The following PLCG2 variants were observed in gnomAD, a reference collection of about 807,000 sequenced individuals.
PLCG2 encodes phospholipase C gamma 2, also known as 1-phosphatidylinositol 4,5-bisphosphate phosphodiesterase gamma-2.
PLCG2 carries 69 observed loss-of-function variants against 175.6 expected under a neutral mutation model. That is an observed-to-expected ratio of 0.39 (90% CI 0.32 to 0.48). PLCG2 has a LOEUF of 0.48. PLCG2 is among the 20% of genes least tolerant of loss of function. The pLI, the probability that PLCG2 is intolerant of heterozygous loss-of-function variation, is 0.91. For missense variants in PLCG2, 1,798 were observed against 1,650.9 expected, an observed-to-expected ratio of 1.09 and a Z score of -1.54; for synonymous variants, 827 against 624.0, an observed-to-expected ratio of 1.33 and a Z score of -4.85.
chr16:81,753,544 T>C (rs1418248457), intron 1 of PLCG2, among the ~76,000 whole-genome samples: 1 of 151,902 alleles, frequency 6.6e-6, no homozygotes, highest in South Asian at 2.1e-4. Flanking sequence ...TCAGCCTCAT[T>C]AGTAGCTGGG....
At chr16:81,940,460 G>A (rs776168662) in intron 30 of PLCG2, among the ~76,000 whole-genome samples, 6 of 145,994 alleles carry the variant, frequency 4.1e-5, no homozygotes, top group Admixed American at 2.0e-4. Context: ...GGCATCTTGG[G>A]GGGGGAGTAA....
intron 1 of PLCG2, among the ~76,000 whole-genome samples, chr16:81,780,449 C>A (rs1910678611): frequency 6.6e-6 from 1 of 152,158 alleles, no homozygotes; most frequent in Non-Finnish European, 1.5e-5. Flanking sequence ...TCGTCCTTGA[C>A]TACAGTTCTG....
chr16:81,855,024 A>T (rs1906611581), intron 3 of PLCG2, among the ~76,000 whole-genome samples: 1 of 152,048 alleles, frequency 6.6e-6, no homozygotes, highest in Non-Finnish European at 1.5e-5. Context: ...AGCATGGCCA[A>T]CATGGTGAAA....
intron 1 of PLCG2, among the ~76,000 whole-genome samples, chr16:81,780,229 C>A (rs895165550): frequency 6.6e-6 from 1 of 152,140 alleles, no homozygotes; most frequent in African/African-American, 2.4e-5. Context: ...AATTTCAGTT[C>A]CATCAGTGGG....
At chr16:81,833,605 C>T (rs1271486514) in intron 2 of PLCG2, among the ~76,000 whole-genome samples, 2 of 150,940 alleles carry the variant, frequency 1.3e-5, no homozygotes, top group African/African-American at 4.9e-5. Context: ...TCACAGCTCA[C>T]TGTACCTTCC....
At chr16:81,910,742 A>G in intron 18 of PLCG2, 22 bp downstream of exon 18, 1 of 1,600,018 alleles carries the variant, frequency 6.2e-7, no homozygotes. Context: ...AGGGTGGAGC[A>G]GGAGGCAGGC....
intron 31 of PLCG2, among the ~76,000 whole-genome samples, chr16:81,948,882 G>A (rs571895796): frequency 2.6e-5 from 4 of 152,194 alleles, no homozygotes; most frequent in African/African-American, 7.2e-5. Flanking sequence ...GTACACACCT[G>A]GAATAGATGG....
intron 3 of PLCG2, among the ~76,000 whole-genome samples, chr16:81,856,525 C>T (rs960664493): frequency 1.3e-5 from 2 of 152,146 alleles, no homozygotes; most frequent in African/African-American, 4.8e-5. Context: ...ACTTGCTGTC[C>T]CTCTGTGCCA....
At chr16:81,774,061 G>T (rs530918382) in intron 2 of PLCG2, among the ~76,000 whole-genome samples, 8 of 151,650 alleles carry the variant, frequency 5.3e-5, no homozygotes, top group Admixed American at 3.3e-4. Context: ...GTCGGGCACA[G>T]TGACTTATGC....
chr16:81,887,210 C>T (rs1406845840), intron 9 of PLCG2, among the ~76,000 whole-genome samples: 1 of 151,758 alleles, frequency 6.6e-6, no homozygotes, highest in Non-Finnish European at 1.5e-5. Flanking sequence ...AACTCTGTCT[C>T]CTGGGTTCAC....
At chr16:81,759,793 C>T (rs1054696801) in intron 2 of PLCG2, among the ~76,000 whole-genome samples, 2 of 152,240 alleles carry the variant, frequency 1.3e-5, no homozygotes, top group African/African-American at 4.8e-5. Context: ...TAGCTCCTTT[C>T]CAGTCTTGTA....
chr16:81,877,651 C>A (rs114305682), intron 7 of PLCG2, among the ~76,000 whole-genome samples: 5 of 152,204 alleles, frequency 3.3e-5, no homozygotes, highest in African/African-American at 4.8e-5. Flanking sequence ...CGCCTGGCTG[C>A]TGGTGGCTGC....
chr16:81,828,090 CAAAAAAAAA>C (rs763973143), intron 2 of PLCG2, among the ~76,000 whole-genome samples: 1 of 50,072 alleles, frequency 2.0e-5, no homozygotes, highest in Non-Finnish European at 4.0e-5. Flanking sequence ...AACTCCGTCT[CAAAAAAAAA>C]AAAAAAAAAA....
At chr16:81,822,379 A>C (rs1904837942) in intron 2 of PLCG2, among the ~76,000 whole-genome samples, 1 of 152,214 alleles carries the variant, frequency 6.6e-6, no homozygotes, top group African/African-American at 2.4e-5. Flanking sequence ...AGGACCTTGC[A>C]GATGAAATTA....
chr16:81,854,115 G>A (rs1047416109), intron 2 of PLCG2, among the ~76,000 whole-genome samples: 3 of 151,944 alleles, frequency 2.0e-5, no homozygotes, highest in Non-Finnish European at 4.4e-5. Context: ...TGGTAGAATA[G>A]TCTGTGCTTA....
intron 1 of PLCG2, among the ~76,000 whole-genome samples, chr16:81,783,509 C>T (rs1048230912): frequency 1.3e-5 from 2 of 152,196 alleles, no homozygotes; most frequent in African/African-American, 4.8e-5. Context: ...TGGCCAGATG[C>T]TGCCACAGGA....
Position 81,919,479 on chromosome 16 carries a change from T to C in PLCG2, c.2055-5T>C. 6.2e-7 allele frequency: 1 copy of C among 1,612,134 alleles called. No homozygotes were observed. Among genetic ancestry groups the C allele is most frequent in the Non-Finnish European group, 8.5e-7 (1 of 1,178,582 alleles). On this transcript the variant is annotated splice_polypyrimidine_tract_variant and splice_region_variant and intron_variant, in intron 19 of 32. Transcript: ENST00000564138. Reference sequence around the variant, plus strand: ...CATGTCAACCCTGTGTTCTTCCTGCTCCAGGGCTAGGGGCAAGGTAAAGCA... The same window carrying C: ...CATGTCAACCCTGTGTTCTTCCTGCCCCAGGGCTAGGGGCAAGGTAAAGCA...
chr16:81,812,799 T>C (rs1904374477), intron 2 of PLCG2, among the ~76,000 whole-genome samples: 1 of 152,224 alleles, frequency 6.6e-6, no homozygotes, highest in Admixed American at 6.5e-5. Flanking sequence ...GGGTTTTTTA[T>C]GGTTTTAGGT....
intron 1 of PLCG2, among the ~76,000 whole-genome samples, chr16:81,742,042 C>G (rs1335336094): frequency 1.3e-5 from 2 of 151,892 alleles, no homozygotes; most frequent in Non-Finnish European, 2.9e-5. Context: ...CCTCCCTCCT[C>G]CCCTTCCCAG....
Sources: gnomAD v4.1 joint callset for allele counts (sites outside exome capture counted in the v4.1 genomes callset) on GRCh38, gnomAD v4.1.1 for gene constraint, MANE v1.5 for transcripts, NCBI Gene and HGNC (gene_info 2026-07-23, HGNC 2026-07-21) for gene names.